Variants in ERI2 observed in about 807,000 individuals in gnomAD.
ERI2 encodes ERI1 exoribonuclease 2.
In ERI2, 35 loss-of-function variants were observed where a neutral mutation model predicts 46.8. The observed-to-expected ratio is 0.75, with a 90% CI of 0.57 to 0.99. The LOEUF (loss-of-function observed/expected upper bound fraction) is 0.99, where lower values mean the gene tolerates loss of function less well. ERI2 is among the 50% of genes least tolerant of loss of function. ERI2 has a pLI of 0.00. For missense variants in ERI2, 695 were observed against 796.2 expected (o/e 0.87, Z 1.53); for synonymous variants, 224 against 271.0 (o/e 0.83, Z 1.70).
Position 20,797,385 on chromosome 16 carries a change from A to C in ERI2, c.*339T>G, listed in dbSNP as rs1347291307. On this transcript the variant is annotated 3_prime_UTR_variant, in exon 9 of 9. Coordinates refer to ENST00000357967, the MANE Select transcript of ERI2 (RefSeq NM_001142725.2). Reference sequence around the variant, plus strand: ...TTATAAAAGTTTTTAGAAAAATATAAAATATCAGTTAGAAGATTATGATAA... The same window carrying C: ...TTATAAAAGTTTTTAGAAAAATATACAATATCAGTTAGAAGATTATGATAA... 3 of 986,254 alleles carry C rather than the reference A, an allele frequency of 3.0e-6. No individual in the cohort carries two copies. Among genetic ancestry groups the C allele is most frequent in the African/African-American group, 1.7e-5 (1 of 57,806 alleles). 61.1% of individuals were successfully genotyped at this position (986,254 alleles called of 1,614,324 possible).
chr16:20,804,482 T>C (rs1026161155), intron 1 of ERI2, among the ~76,000 whole-genome samples: 81 of 151,954 alleles, frequency 5.3e-4, no homozygotes, highest in African/African-American at 1.8e-3. Context: ...CTGAGCAACA[T>C]GGTGAAACCC....
Position 20,798,288 on chromosome 16 carries a change from G to A in ERI2, c.1512C>T (p.His504=). The A allele has an allele frequency of 6.4e-7, 1 of 1,551,518 alleles. No individual in the cohort carries two copies. The highest frequency in any genetic ancestry group is 8.7e-7 in the Non-Finnish European group (1 of 1,146,900). ...TAACTCTGTTGAAGGTACTTGATTT[G>A]TGTTCAGGTAACTTAAAGGCAGAAA... The part of the protein sequence containing the change: ...SDISAFKLPE[H]KSSTFNRVNA... Residue 504 remains histidine (H), a synonymous_variant, in exon 9 of 9, where the codon CAC becomes CAT. Coordinates refer to ENST00000357967, the MANE Select transcript of ERI2 (RefSeq NM_001142725.2).
chr16:20,794,408 A>G (rs1596543166), downstream of ERI2, among the ~76,000 whole-genome samples: 1 of 152,194 alleles, frequency 6.6e-6, no homozygotes, highest in South Asian at 2.1e-4. Flanking sequence ...CTATATTTGC[A>G]CCATCCAATG....
rs1269957284 is a variant in ERI2 at position 20,781,275 on chromosome 16, A to T, written c.895-541T>A. 19 of 1,036,418 alleles carry T rather than the reference A, an allele frequency of 1.8e-5. No homozygotes were observed. In the Admixed American group the frequency reaches 4.9e-4, roughly 27 times the overall value. The allele number at this position is 1,036,418 out of a possible 1,614,324, so 64.2% of individuals were successfully genotyped here. A position where few individuals can be genotyped will look rare whatever the true frequency, so the allele number is the denominator to read the frequency against. On this transcript the variant is annotated intron_variant, in intron 10 of 10. Coordinates refer to the ERI2 transcript ENST00000300005. Reference sequence around the variant, plus strand: ...CATCCAGAAAGTCAATAAGCCTGAAAAGATACACTCGGCCCCCTCTGTATC... The same window carrying T: ...CATCCAGAAAGTCAATAAGCCTGAATAGATACACTCGGCCCCCTCTGTATC...
chr16:20,795,758 G>C (rs1477486498), downstream of ERI2, among the ~76,000 whole-genome samples: 1 of 152,218 alleles, frequency 6.6e-6, no homozygotes, highest in Non-Finnish European at 1.5e-5. Context: ...AGTCCTGGTA[G>C]TGCCCTAGGA....
intron 10 of ERI2, among the ~76,000 whole-genome samples, chr16:20,781,318 C>G (rs2080348350): frequency 6.6e-6 from 1 of 152,136 alleles, no homozygotes. Flanking sequence ...TCTGCAGCCT[C>G]TGATTCTGCC....
downstream of ERI2, chr16:20,795,946 T>G (rs2080713918): frequency 6.5e-6 from 1 of 154,796 alleles, no homozygotes. Flanking sequence ...TTTCTTGGCT[T>G]CTGCCAGTTA....
rs1346532698 is a variant in ERI2, at chr16:20,799,961, A to G, written c.639T>C (p.His213=). ...TAATTTTTAATGTATACTAACCAGA[A>G]TGTTCTCGTCCTGAGAATTCTATTC... ...EVGIEFSGRE[H]SGLDDSRNTA... The change falls in exon 7 of 9, where the codon CAT becomes CAC. Residue 213 remains histidine, a synonymous_variant. Coordinates refer to ENST00000357967, the MANE Select transcript of ERI2 (RefSeq NM_001142725.2). 6.3e-7 allele frequency: 1 copy of G among 1,587,410 alleles called. No individual in the cohort carries two copies. Among genetic ancestry groups the G allele is most frequent in the Non-Finnish European group, 8.6e-7 (1 of 1,158,970 alleles).
chr16:20,798,920 G>A lies in ERI2; in HGVS notation c.880C>T (p.Gln294Ter), dbSNP rs897476372. Residue 294 changes from glutamine (Q) to a stop codon, truncating the protein, a stop_gained, in exon 9 of 9, where the codon CAA (glutamine) becomes TAA (stop). Coordinates refer to ENST00000357967, the MANE Select transcript of ERI2 (RefSeq NM_001142725.2). LOFTEE classifies it low-confidence loss of function (END_TRUNC). ...GAATTTGCACAAATTGACTTCATTT[G>A]AACTTTTTCATGAGGATTTATTATA... The part of the protein sequence containing the change: ...KNIINPHEKV[Q>*]MKSICANSPI... The A allele has an allele frequency of 6.4e-7, 1 of 1,551,036 alleles. No homozygotes were observed. The highest frequency in any genetic ancestry group is 2.4e-5 in the East Asian group (1 of 40,890).
intron 10 of ERI2, among the ~76,000 whole-genome samples, chr16:20,787,844 G>C (rs187567880): frequency 1.7e-3 from 259 of 152,282 alleles, no homozygotes; most frequent in Middle Eastern, 3.4e-3. Flanking sequence ...TGACCAACCT[G>C]TCTGTTTGCC....
At chr16:20,791,709 T>C (rs929359970), downstream of ERI2, among the ~76,000 whole-genome samples, 2 of 152,086 alleles carry the variant, frequency 1.3e-5, no homozygotes. Flanking sequence ...GGCGGATCAC[T>C]TGAGGTAAGG....
chr16:20,780,424 A>G, exon 11 of ERI2: 1 of 577,116 alleles, frequency 1.7e-6, no homozygotes, highest in East Asian at 3.0e-5. Flanking sequence ...TGGAGGTATG[A>G]TAAAAATCTC....
intron 1 of ERI2, among the ~76,000 whole-genome samples, chr16:20,804,121 TGGGATTACA>T (rs1259672083): frequency 6.6e-6 from 1 of 151,774 alleles, no homozygotes; most frequent in Non-Finnish European, 1.5e-5. Context: ...CTCAAAGTGC[TGGGATTACA>T]GGCCTGAGCC....
downstream of ERI2, chr16:20,792,315 C>T (rs772629007): frequency 2.5e-6 from 4 of 1,613,972 alleles, no homozygotes; most frequent in Admixed American, 1.7e-5. Context: ...TGTCAGCAGC[C>T]CAGACCCCAT....
At chr16:20,792,811 T>G, downstream of ERI2, 1 of 659,426 alleles carries the variant, frequency 1.5e-6, no homozygotes, top group Non-Finnish European at 1.9e-6. Flanking sequence ...AAGTAGAGAT[T>G]TCAGGAAATA....
At chr16:20,794,818 CTG>C (rs1380454743), downstream of ERI2, among the ~76,000 whole-genome samples, 1 of 152,232 alleles carries the variant, frequency 6.6e-6, no homozygotes, top group Non-Finnish European at 1.5e-5. Flanking sequence ...ACACAACAAA[CTG>C]TGACTTGAAC....
intron 10 of ERI2, chr16:20,783,388 G>C (rs2080396307): frequency 6.6e-6 from 1 of 152,116 alleles, no homozygotes; most frequent in African/African-American, 2.4e-5. Flanking sequence ...ATTTCAGATT[G>C]TTTTGGATTT....
At chr16:20,794,948 G>A (rs917388230), downstream of ERI2, among the ~76,000 whole-genome samples, 3 of 152,158 alleles carry the variant, frequency 2.0e-5, no homozygotes, top group Non-Finnish European at 2.9e-5. Flanking sequence ...TGTAGAAATC[G>A]TCAATATGTG....
chr16:20,782,357 C>T (rs907447124), intron 10 of ERI2, among the ~76,000 whole-genome samples: 1 of 152,098 alleles, frequency 6.6e-6, no homozygotes, highest in Non-Finnish European at 1.5e-5. Flanking sequence ...AAGCAGTATA[C>T]ACTGTACTCA....
Sources: allele counts gnomAD v4.1 joint callset (sites outside exome capture counted in the v4.1 genomes callset), GRCh38; gene constraint gnomAD v4.1.1; transcripts MANE v1.5; gene names NCBI Gene and HGNC (gene_info 2026-07-23, HGNC 2026-07-21).